The following SNX29 variants were observed in gnomAD, a reference collection of about 807,000 sequenced individuals.
SNX29 encodes sorting nexin-29.
A neutral mutation model predicts 102.1 loss-of-function variants in SNX29; 78 were observed. That is an observed-to-expected ratio of 0.76 (90% CI 0.64 to 0.92). The LOEUF (loss-of-function observed/expected upper bound fraction) is 0.92. SNX29 is among the 40% of genes least tolerant of loss of function. The probability of loss-of-function intolerance (pLI) is 0.00; values close to 1 mark genes in which losing one functional copy is unlikely to be tolerated. For synonymous variants in SNX29, 580 were observed against 414.5 expected, an observed-to-expected ratio of 1.40 and a Z score of -4.85; for missense variants, 1,280 against 1,061.7, an observed-to-expected ratio of 1.21 and a Z score of -2.86.
At chr16:12,555,395 C>G (rs992430037) in intron 20 of SNX29, among the ~76,000 whole-genome samples, 12 of 150,082 alleles carry the variant, frequency 8.0e-5, no homozygotes, top group African/African-American at 3.0e-4. Context: ...CCCTGCGTGT[C>G]TGCTGGGCTG....
chr16:11,999,260 C>T (rs368155593), intron 1 of SNX29, 37 bp from the exon 2 acceptor site: 7 of 1,605,462 alleles, frequency 4.4e-6, no homozygotes, highest in African/African-American at 1.3e-5. Flanking sequence ...CGTGTCCGAG[C>T]GTCAGAGAGA....
At chr16:12,531,858 G>A (rs2076940717) in intron 20 of SNX29, among the ~76,000 whole-genome samples, 2 of 152,214 alleles carry the variant, frequency 1.3e-5, no homozygotes, top group African/African-American at 4.8e-5. Flanking sequence ...TCAGGTAGCA[G>A]TTTCTCCCAG....
chr16:12,561,210 C>T (rs2078705865), intron 20 of SNX29: 3 of 230,776 alleles, frequency 1.3e-5, no homozygotes, highest in Non-Finnish European at 1.7e-5. Flanking sequence ...AGGACCCCCG[C>T]AGCCATGCAG....
At chr16:12,327,667 C>T (rs181902407) in intron 15 of SNX29, among the ~76,000 whole-genome samples, 10 of 152,096 alleles carry the variant, frequency 6.6e-5, no homozygotes, top group Middle Eastern at 3.2e-3. Flanking sequence ...ATGTGAATTA[C>T]GGGGTGACAC....
intron 18 of SNX29, among the ~76,000 whole-genome samples, chr16:12,425,529 T>TAAAAAAAAAAAAAAAAAA: frequency 1.3e-5 from 1 of 78,404 alleles, no homozygotes; most frequent in Non-Finnish European, 2.8e-5. Context: ...TGACCAGAGT[T>TAAAAAAAAAAAAAAAAAA]AAAAAAAAAA....
chr16:12,277,030 G>A (rs2079273134), intron 14 of SNX29, among the ~76,000 whole-genome samples: 1 of 152,184 alleles, frequency 6.6e-6, no homozygotes, highest in South Asian at 2.1e-4. Flanking sequence ...ACAGCTGGCT[G>A]TCAGCAGGCC....
chr16:12,165,848 G>A (rs1025881128), intron 13 of SNX29, among the ~76,000 whole-genome samples: 14 of 152,256 alleles, frequency 9.2e-5, no homozygotes, highest in Admixed American at 3.3e-4. Flanking sequence ...ACTGGCGTGA[G>A]CCACCACACC....
intron 20 of SNX29, among the ~76,000 whole-genome samples, chr16:12,563,270 A>T (rs1598082985): frequency 6.6e-6 from 1 of 152,062 alleles, no homozygotes; most frequent in Non-Finnish European, 1.5e-5. Flanking sequence ...TAGCAGAGGA[A>T]CGTCGGGTTC....
At chr16:12,093,107 C>T (rs1188192630) in intron 11 of SNX29, among the ~76,000 whole-genome samples, 1 of 152,166 alleles carries the variant, frequency 6.6e-6, no homozygotes, top group Non-Finnish European at 1.5e-5. Context: ...GCAAATGTCA[C>T]CTTCAGGTTT....
chr16:12,166,477 C>G (rs1046152141), intron 13 of SNX29, among the ~76,000 whole-genome samples: 1 of 152,224 alleles, frequency 6.6e-6, no homozygotes, highest in African/African-American at 2.4e-5. Flanking sequence ...CTTGGAGGAG[C>G]TGGCGAGCAG....
chr16:12,525,907 C>T (rs1302608054), intron 20 of SNX29, among the ~76,000 whole-genome samples: 1 of 152,088 alleles, frequency 6.6e-6, no homozygotes, highest in Admixed American at 6.5e-5. Context: ...TTTTGACGTC[C>T]CTGCCTTGCC....
intron 16 of SNX29, among the ~76,000 whole-genome samples, chr16:12,358,235 T>A (rs2082198442): frequency 6.6e-6 from 1 of 152,216 alleles, no homozygotes; most frequent in Non-Finnish European, 1.5e-5. Context: ...CGCTTTTACA[T>A]CCCTGCTGTG....
In SNX29 at chr16:12,570,524, A is replaced by C. The variant is rs1329092316; in HGVS notation, c.*1895A>C. On this transcript the variant is annotated 3_prime_UTR_variant, in exon 21 of 21. Coordinates refer to ENST00000566228, the MANE Select transcript of SNX29 (RefSeq NM_032167.5). ...AGGTTGGGTTTATGCCACATCGGTC[A>C]TTTTGAAGTAGGTGTTTGATGCCAG... 4.3e-6 allele frequency: 1 copy of C among 232,454 alleles called. No individual in the cohort carries two copies. The highest frequency in any genetic ancestry group is 5.6e-5 in the Admixed American group (1 of 17,754). 14.4% of individuals were successfully genotyped at this position (232,454 alleles called of 1,614,324 possible).
At chr16:12,024,887 G>GT (rs1450398811) in intron 3 of SNX29, among the ~76,000 whole-genome samples, 1 of 151,948 alleles carries the variant, frequency 6.6e-6, no homozygotes, top group Non-Finnish European at 1.5e-5. Context: ...TTTTGTTTTT[G>GT]TTTTTTTCTC....
intron 20 of SNX29, among the ~76,000 whole-genome samples, chr16:12,530,983 C>T (rs1217871745): frequency 1.3e-5 from 2 of 152,240 alleles, no homozygotes; most frequent in East Asian, 1.9e-4. Context: ...AGATTTTTCT[C>T]CCCCAGACTG....
At chr16:12,188,026 G>C (rs2076553858) in intron 13 of SNX29, among the ~76,000 whole-genome samples, 1 of 152,132 alleles carries the variant, frequency 6.6e-6, no homozygotes, top group Non-Finnish European at 1.5e-5. Context: ...CTTGAAATAT[G>C]TCCAGGTGAT....
Position 12,571,149 on chromosome 16 carries a change from TCAG to T in SNX29, c.*2521_*2523del, listed in dbSNP as rs148574478. 981 of 232,720 alleles carry T rather than the reference TCAG, an allele frequency of 4.2e-3. 5 individuals are homozygous for T. Among genetic ancestry groups the T allele is most frequent in the African/African-American group, 0.02 (909 of 45,440 alleles). The allele number at this position is 232,720 out of a possible 1,614,324, so 14.4% of individuals were successfully genotyped here. ...GCAATGATTGGGTCCATCTTGCTGC[TCAG>T]AAGAATCCCGTCCTGCTCTCTAGTG... On this transcript the variant is annotated 3_prime_UTR_variant, in exon 21 of 21. Coordinates refer to ENST00000566228, the MANE Select transcript of SNX29 (RefSeq NM_032167.5).
rs2079233852 is a variant in SNX29, at chr16:12,573,683, C to T, written c.*5054C>T. The T allele has an allele frequency of 1.3e-5, 3 of 222,846 alleles. No homozygotes were observed. Among genetic ancestry groups the T allele is most frequent in the East Asian group, 1.3e-4 (2 of 15,412 alleles). 13.8% of individuals were successfully genotyped at this position (222,846 alleles called of 1,614,324 possible). A position where few individuals can be genotyped will look rare whatever the true frequency, so the allele number is the denominator to read the frequency against. ...GTCAGTGTAGGTAAGACAGAGGATG[C>T]CCTTGCAAAAATTGGGACTGAGGAC... On this transcript the variant is annotated 3_prime_UTR_variant, in exon 21 of 21. Transcript: ENST00000566228.
At chr16:12,125,603 C>CTTTTTTTTTTTTTTTT (rs1273937330) in intron 11 of SNX29, among the ~76,000 whole-genome samples, 1 of 71,496 alleles carries the variant, frequency 1.4e-5, no homozygotes, top group Non-Finnish European at 2.7e-5. Flanking sequence ...GCTGAGATCT[C>CTTTTTTTTTTTTTTTT]TCTTTTTTTT....
Sources: allele counts gnomAD v4.1 joint callset (sites outside exome capture counted in the v4.1 genomes callset), GRCh38; gene constraint gnomAD v4.1.1; transcripts MANE v1.5; gene names NCBI Gene and HGNC (gene_info 2026-07-23, HGNC 2026-07-21).